The following KIAA0825 variants were observed in gnomAD, a reference collection of about 807,000 sequenced individuals.
The protein encoded by KIAA0825 is uncharacterized protein KIAA0825.
In KIAA0825, 119 loss-of-function variants were observed where a neutral mutation model predicts 147.6. That is an observed-to-expected ratio of 0.81 (90% CI 0.69 to 0.94). The LOEUF is 0.94. Ranked by LOEUF, KIAA0825 falls within the 40% of genes least tolerant of loss-of-function variation. The pLI is 0.00. For synonymous variants in KIAA0825, 470 were observed against 518.1 expected (o/e 0.91, Z 1.26); for missense variants, 1,381 against 1,472.7 (o/e 0.94, Z 1.02).
At chr5:94,397,655 G>A (rs746430966) in intron 16 of KIAA0825, among the ~76,000 whole-genome samples, 26 of 151,980 alleles carry the variant, frequency 1.7e-4, no homozygotes, top group African/African-American at 5.3e-4. Context: ...TGTTCTGTAG[G>A]GTGTTTAGCC....
At chr5:94,557,890 C>T (rs1009510396) in intron 2 of KIAA0825, among the ~76,000 whole-genome samples, 5 of 152,204 alleles carry the variant, frequency 3.3e-5, no homozygotes, top group Non-Finnish European at 5.9e-5. Context: ...TGCTTTTGCT[C>T]GCTGTCCACT....
rs565236793 is a variant in KIAA0825, at chr5:94,237,299, T to G, written c.3711-83175A>C. Among the ~76,000 whole-genome samples, 3 of 152,272 alleles carry G rather than the reference T, an allele frequency of 2.0e-5. No homozygotes were observed. The South Asian group carries it at 6.2e-4, about 32-fold the overall frequency. The stretch of plus-strand genomic sequence containing the variant: ...GATGGACACACTAAAGAGAAAATGT[T>G]GTGTCATAAAAATAGAGTAAGATGA... On this transcript the variant is annotated intron_variant, in intron 20 of 20. Coordinates refer to ENST00000682413, the MANE Select transcript of KIAA0825 (RefSeq NM_001145678.3).
At chr5:94,572,644 A>G (rs1780197693) in intron 2 of KIAA0825, among the ~76,000 whole-genome samples, 1 of 152,188 alleles carries the variant, frequency 6.6e-6, no homozygotes, top group Admixed American at 6.5e-5. Flanking sequence ...ATATTATATT[A>G]TTTCATTTAA....
At chr5:94,559,666 C>G (rs1777201047) in intron 2 of KIAA0825, among the ~76,000 whole-genome samples, 1 of 152,148 alleles carries the variant, frequency 6.6e-6, no homozygotes, top group Non-Finnish European at 1.5e-5. Flanking sequence ...GGATTATGAT[C>G]CTTTTGGTCA....
At chr5:94,399,465 A>G (rs1369908032) in intron 16 of KIAA0825, among the ~76,000 whole-genome samples, 3 of 152,106 alleles carry the variant, frequency 2.0e-5, no homozygotes, top group African/African-American at 7.2e-5. Flanking sequence ...TCAAATCCCC[A>G]GCTATTTCAT....
chr5:94,613,911 T>C (rs763464613), intron 1 of KIAA0825, among the ~76,000 whole-genome samples: 2 of 152,256 alleles, frequency 1.3e-5, no homozygotes, highest in African/African-American at 2.4e-5. Context: ...ATTAAAAATT[T>C]GATTAATATG....
chr5:94,234,707 G>C, intron 20 of KIAA0825, among the ~76,000 whole-genome samples: 1 of 152,232 alleles, frequency 6.6e-6, no homozygotes, highest in Middle Eastern at 3.4e-3. Flanking sequence ...ACCAGATCTT[G>C]TGTGAACTCA....
intron 2 of KIAA0825, among the ~76,000 whole-genome samples, chr5:94,565,153 C>T (rs1217526088): frequency 2.4e-5 from 3 of 126,680 alleles, no homozygotes; most frequent in South Asian, 2.6e-4. Flanking sequence ...AAGCTGGTCT[C>T]GAACTCCTGG....
intron 20 of KIAA0825, among the ~76,000 whole-genome samples, chr5:94,193,324 A>G (rs1180327752): frequency 6.6e-6 from 1 of 152,232 alleles, no homozygotes; most frequent in Non-Finnish European, 1.5e-5. Flanking sequence ...TCACACAGCT[A>G]ATAATAATGG....
At chr5:94,402,998 A>C (rs867869586) in intron 16 of KIAA0825, among the ~76,000 whole-genome samples, 31 of 152,176 alleles carry the variant, frequency 2.0e-4, no homozygotes, top group African/African-American at 7.2e-4. Context: ...TCTTAAGTAC[A>C]CTTGGTGGAT....
intron 20 of KIAA0825, among the ~76,000 whole-genome samples, chr5:94,238,871 A>G (rs998065274): frequency 1.3e-5 from 2 of 152,188 alleles, no homozygotes; most frequent in Non-Finnish European, 2.9e-5. Flanking sequence ...GTGCAAGATT[A>G]AAATTCTATA....
chr5:94,574,873 G>T (rs1780713450), intron 2 of KIAA0825, among the ~76,000 whole-genome samples: 1 of 152,048 alleles, frequency 6.6e-6, no homozygotes, highest in Non-Finnish European at 1.5e-5. Flanking sequence ...TTAAAAGTAT[G>T]AGCTACTATA....
Position 94,403,734 on chromosome 5 carries a change from C to T in KIAA0825, c.2722G>A (p.Asp908Asn), listed in dbSNP as rs879668826. 7.7e-6 allele frequency: 12 copies of T among 1,551,408 alleles called. No individual in the cohort carries two copies. The Admixed American group carries it at 1.2e-4, about 15-fold the overall frequency. The change falls in exon 16 of 21, where the codon GAT becomes AAT. Residue 908 changes from aspartate (D) to asparagine (N), a missense_variant. Transcript: ENST00000682413. ...TGCTGTACAGTGTCCTTGATGGCATCGGTCAGTGCCAGTCTCAAGCATCGG... is the reference window on the plus strand; with the variant it reads ...TGCTGTACAGTGTCCTTGATGGCATTGGTCAGTGCCAGTCTCAAGCATCGG... Reference protein sequence around the residue: ...VIRCLRLALTDAIKDTVQQIV... With the variant: ...VIRCLRLALTNAIKDTVQQIV...
At chr5:94,354,312 T>A (rs2150376016) in intron 20 of KIAA0825, among the ~76,000 whole-genome samples, 2 of 152,298 alleles carry the variant, frequency 1.3e-5, no homozygotes, top group Middle Eastern at 6.8e-3. Context: ...CCATCCTCTC[T>A]CCAACATTTC....
chr5:94,283,468 C>T lies in KIAA0825; in HGVS notation c.3710+100900G>A, dbSNP rs148004719. On this transcript the variant is annotated intron_variant, in intron 20 of 20. Coordinates refer to ENST00000682413, the MANE Select transcript of KIAA0825 (RefSeq NM_001145678.3). ...AGAGTAGATTCTTAAGGAATAATTA[C>T]GGAAATCATGCCTTGGTTAAGATTC... Among the ~76,000 whole-genome samples the T allele has an allele frequency of 7.2e-5, 11 of 152,108 alleles. No individual in the cohort carries two copies. The East Asian group carries it at 7.8e-4, about 11-fold the overall frequency.
At chr5:94,310,098 A>T (rs926128291) in intron 20 of KIAA0825, among the ~76,000 whole-genome samples, 1 of 151,746 alleles carries the variant, frequency 6.6e-6, no homozygotes, top group African/African-American at 2.4e-5. Flanking sequence ...TGTGAGAAAA[A>T]AATTGGCCAC....
At chr5:94,523,827 G>A in intron 4 of KIAA0825, 103 bp downstream of exon 4, 1 of 701,916 alleles carries the variant, frequency 1.4e-6, no homozygotes, top group South Asian at 2.5e-5. Flanking sequence ...ATGTATGGCA[G>A]GCTAATATGG....
intron 20 of KIAA0825, among the ~76,000 whole-genome samples, chr5:94,299,540 A>T (rs1342059079): frequency 2.0e-5 from 3 of 152,094 alleles, no homozygotes; most frequent in South Asian, 2.1e-4. Context: ...ATTTTAACAC[A>T]CATGTAAATC....
At chr5:94,196,671 C>T (rs557922354) in intron 20 of KIAA0825, among the ~76,000 whole-genome samples, 135 of 152,216 alleles carry the variant, frequency 8.9e-4, no homozygotes, top group African/African-American at 3.2e-3. Context: ...TCTTTGTTTC[C>T]ACATGTATTC....
Sources: gnomAD v4.1 joint callset for allele counts (sites outside exome capture counted in the v4.1 genomes callset) on GRCh38, gnomAD v4.1.1 for gene constraint, MANE v1.5 for transcripts, NCBI Gene and HGNC (gene_info 2026-07-23, HGNC 2026-07-21) for gene names.